The following EYS variants were observed in gnomAD, a reference collection of about 807,000 sequenced individuals.
EYS encodes protein eyes shut homolog.
A neutral mutation model predicts 282.1 loss-of-function variants in EYS; 250 were observed. The observed-to-expected ratio is 0.89, with a 90% confidence interval of 0.80 to 0.98. EYS has a LOEUF of 0.98. Ranked by LOEUF, EYS falls within the 50% of genes least tolerant of loss-of-function variation. The pLI is 0.00. For missense variants in EYS, 4,016 were observed against 3,709.0 expected, an observed-to-expected ratio of 1.08 and a Z score of -2.15; for synonymous variants, 1,355 against 1,282.9, an observed-to-expected ratio of 1.06 and a Z score of -1.20.
At chr6:64,956,799 A>G (rs187795862) in intron 14 of EYS, among the ~76,000 whole-genome samples, 25 of 152,340 alleles carry the variant, frequency 1.6e-4, no homozygotes, top group African/African-American at 4.6e-4. Context: ...ATTTATCAAA[A>G]GAAGACACAC....
chr6:64,055,086 T>C (rs1326368626), intron 33 of EYS, among the ~76,000 whole-genome samples: 1 of 152,288 alleles, frequency 6.6e-6, no homozygotes, highest in Non-Finnish European at 1.5e-5. Context: ...GCTTGGCCTC[T>C]TACAGCTCCA....
chr6:64,062,691 C>CAAAA (rs1023609648), intron 33 of EYS, among the ~76,000 whole-genome samples: 2 of 58,952 alleles, frequency 3.4e-5, no homozygotes, highest in African/African-American at 5.5e-5. Context: ...AACTCCAACT[C>CAAAA]AAAAAAAAAA....
intron 22 of EYS, among the ~76,000 whole-genome samples, chr6:64,772,732 T>G (rs963478896): frequency 6.6e-5 from 10 of 151,904 alleles, no homozygotes; most frequent in Non-Finnish European, 1.3e-4. Context: ...TTTTAATTTT[T>G]ATCTCCCACA....
intron 13 of EYS, among the ~76,000 whole-genome samples, chr6:65,025,327 T>C (rs1011578482): frequency 6.6e-6 from 1 of 152,070 alleles, no homozygotes; most frequent in Non-Finnish European, 1.5e-5. Context: ...TACAGCAAAA[T>C]GCACATATCA....
intron 31 of EYS, among the ~76,000 whole-genome samples, chr6:64,148,880 A>G (rs1774610246): frequency 6.6e-6 from 1 of 152,188 alleles, no homozygotes; most frequent in Admixed American, 6.6e-5. Context: ...CAAATAGAAA[A>G]AATATTGCAA....
At chr6:64,498,934 G>GT (rs1332618849) in intron 26 of EYS, among the ~76,000 whole-genome samples, 1 of 152,100 alleles carries the variant, frequency 6.6e-6, no homozygotes, top group Non-Finnish European at 1.5e-5. Context: ...GTGTGCATGT[G>GT]TATTTATAGT....
At position 64,314,306 on chromosome 6, in the gene EYS, A is replaced by G. The variant is rs890234075; in HGVS notation, c.6079-7224T>C. On this transcript the variant is annotated intron_variant, in intron 29 of 42. Transcript: ENST00000503581. ...CAAAGAAGGGCATTACATAATGGTA[A>G]AGGGATTAATGCAACAGGAAGAGCT... is the stretch of plus-strand genomic sequence containing the variant. Among the ~76,000 whole-genome samples the G allele has an allele frequency of 2.6e-5, 4 of 151,846 alleles. No homozygotes were observed. The East Asian group carries it at 7.7e-4, about 29-fold the overall frequency.
intron 22 of EYS, among the ~76,000 whole-genome samples, chr6:64,651,831 C>T (rs1300879274): frequency 2.0e-5 from 3 of 152,074 alleles, no homozygotes; most frequent in Non-Finnish European, 4.4e-5. Context: ...AAACCTAACT[C>T]AATGTTTTCT....
At chr6:65,372,368 T>C (rs1765191826) in intron 8 of EYS, among the ~76,000 whole-genome samples, 2 of 151,918 alleles carry the variant, frequency 1.3e-5, no homozygotes, top group Admixed American at 1.3e-4. Flanking sequence ...TAAATGAAAA[T>C]AAATGTGTCA....
chr6:65,374,487 T>G (rs534506613), intron 8 of EYS, among the ~76,000 whole-genome samples: 1 of 146,054 alleles, frequency 6.8e-6, no homozygotes, highest in East Asian at 2.0e-4. Flanking sequence ...GGGCAGACAC[T>G]GAGCTACCTG....
In EYS at chr6:63,813,591, T is replaced by G. The variant is rs1486270173; in HGVS notation, c.7229-7219A>C. On this transcript the variant is annotated intron_variant, in intron 36 of 42. Coordinates refer to ENST00000503581, the MANE Select transcript of EYS (RefSeq NM_001142800.2). ...AGTGTTTTCAAGATAGATTGTTTGG[T>G]CTAAATATATAATTTTTTGGAGTTC... Among the ~76,000 whole-genome samples the G allele has an allele frequency of 2.6e-5, 4 of 152,188 alleles. 1 individual carries two copies. Among genetic ancestry groups the G allele is most frequent in the Middle Eastern group, 6.3e-3 (2 of 316 alleles).
At chr6:64,363,256 A>AT (rs1411570308) in intron 29 of EYS, among the ~76,000 whole-genome samples, 40 of 151,898 alleles carry the variant, frequency 2.6e-4, no homozygotes, top group Admixed American at 2.4e-3. Flanking sequence ...TAAGATATAC[A>AT]TTTTTTTATT....
chr6:64,618,175 T>G (rs1030599329), intron 23 of EYS, among the ~76,000 whole-genome samples: 3 of 152,178 alleles, frequency 2.0e-5, no homozygotes, highest in African/African-American at 7.2e-5. Flanking sequence ...CTTTTGCTAG[T>G]CAAACATTTT....
intron 1 of EYS, among the ~76,000 whole-genome samples, chr6:65,654,747 T>C (rs1327662012): frequency 1.3e-5 from 2 of 151,544 alleles, no homozygotes; most frequent in Non-Finnish European, 3.0e-5. Context: ...AGAACTAAAA[T>C]TGTTCCTGAG....
At chr6:64,584,588 A>G (rs549005123) in intron 26 of EYS, among the ~76,000 whole-genome samples, 70 of 152,150 alleles carry the variant, frequency 4.6e-4, no homozygotes, top group African/African-American at 1.6e-3. Flanking sequence ...AAAAAGACTA[A>G]CAAATAGGTA....
chr6:64,319,658 T>A (rs935788794), intron 29 of EYS, among the ~76,000 whole-genome samples: 3 of 151,960 alleles, frequency 2.0e-5, no homozygotes, highest in African/African-American at 7.2e-5. Flanking sequence ...TGTGTATGTG[T>A]GTGTGTCTGT....
intron 29 of EYS, among the ~76,000 whole-genome samples, chr6:64,331,484 C>T (rs1042789229): frequency 3.3e-5 from 5 of 152,062 alleles, no homozygotes; most frequent in African/African-American, 1.2e-4. Context: ...CTTCCCCTAA[C>T]AGAACCCACT....
At chr6:65,681,001 C>G (rs985544846) in intron 1 of EYS, among the ~76,000 whole-genome samples, 1 of 151,632 alleles carries the variant, frequency 6.6e-6, no homozygotes, top group Admixed American at 6.6e-5. Flanking sequence ...CAACTCATCC[C>G]TAGAGCCTTG....
chr6:65,425,013 A>C (rs778506118), intron 5 of EYS, among the ~76,000 whole-genome samples: 12 of 152,192 alleles, frequency 7.9e-5, no homozygotes, highest in Middle Eastern at 6.8e-3. Context: ...AATGAATAAA[A>C]ATTGAATGGC....
Sources: gnomAD v4.1 joint callset for allele counts (sites outside exome capture counted in the v4.1 genomes callset) on GRCh38, gnomAD v4.1.1 for gene constraint, MANE v1.5 for transcripts, NCBI Gene and HGNC (gene_info 2026-07-23, HGNC 2026-07-21) for gene names.